DENND4C: variants seen among roughly 807,000 people sequenced by gnomAD.
The protein encoded by DENND4C is DENN domain-containing protein 4C.
In DENND4C, 108 loss-of-function variants were observed where a neutral mutation model predicts 203.0. The ratio of observed to expected loss-of-function variants is 0.53; its 90% confidence interval spans 0.46 to 0.62. The LOEUF is 0.62. Ranked by LOEUF, DENND4C falls within the 20% of genes least tolerant of loss-of-function variation. DENND4C has a pLI of 0.00. For synonymous variants in DENND4C, 871 were observed against 792.4 expected (o/e 1.10, Z -1.67); for missense variants, 2,481 against 2,301.2 (o/e 1.08, Z -1.60).
chr9:19,333,637 A>G (rs562916171), intron 17 of DENND4C, among the ~76,000 whole-genome samples: 13 of 152,334 alleles, frequency 8.5e-5, no homozygotes, highest in African/African-American at 2.6e-4. Flanking sequence ...TAAAGTGCCT[A>G]GTTCATAGTA....
chr9:19,340,009 C>G (rs1278837106), intron 20 of DENND4C, among the ~76,000 whole-genome samples: 1 of 152,176 alleles, frequency 6.6e-6, no homozygotes, highest in African/African-American at 2.4e-5. Context: ...TTTAGATATT[C>G]TCCTATTATG....
At chr9:19,270,852 T>C (rs1054458513) in intron 1 of DENND4C, among the ~76,000 whole-genome samples, 3 of 152,244 alleles carry the variant, frequency 2.0e-5, no homozygotes, top group Non-Finnish European at 4.4e-5. Context: ...TCTACAAAAT[T>C]GCTCTAAACT....
intron 20 of DENND4C, among the ~76,000 whole-genome samples, chr9:19,337,834 G>A (rs1386891915): frequency 6.6e-6 from 1 of 152,026 alleles, no homozygotes; most frequent in Non-Finnish European, 1.5e-5. Flanking sequence ...AAAATATCCA[G>A]CTAACTTTTT....
chr9:19,250,726 A>G (rs558320648), intron 1 of DENND4C, among the ~76,000 whole-genome samples: 101 of 152,360 alleles, frequency 6.6e-4, no homozygotes, highest in African/African-American at 2.1e-3. Context: ...AAGGGGCTAC[A>G]GGCCCCATGC....
intron 30 of DENND4C, among the ~76,000 whole-genome samples, chr9:19,367,494 G>A (rs536327079): frequency 2.4e-4 from 36 of 152,394 alleles, no homozygotes; most frequent in African/African-American, 8.4e-4. Flanking sequence ...CCAGCACTTT[G>A]GGAGGCTGAG....
rs112631399 is a variant in DENND4C at position 19,334,959 on chromosome 9, ATT to A, written c.2461-7_2461-6del. 277 of 1,200,874 alleles carry A rather than the reference ATT, an allele frequency of 2.3e-4. No homozygotes were observed. The highest frequency in any genetic ancestry group is 7.0e-4 in the South Asian group (46 of 65,552). The allele number at this position is 1,200,874 out of a possible 1,614,324, so 74.4% of individuals were successfully genotyped here. ...ATTAGTATACTAATTACTGACACTG[ATT>A]TTTTTTTTTTGTTAGGTGTGCTATC... On this transcript the variant is annotated splice_polypyrimidine_tract_variant and intron_variant, in intron 17 of 32. Coordinates refer to ENST00000434457, the MANE Select transcript of DENND4C (RefSeq NM_001330640.2).
chr9:19,245,796 C>T (rs936208930), intron 1 of DENND4C, among the ~76,000 whole-genome samples: 1 of 150,204 alleles, frequency 6.7e-6, no homozygotes, highest in Non-Finnish European at 1.5e-5. Context: ...GTGGAGGTTG[C>T]GGTGAGCAGA....
chr9:19,277,410 G>A (rs1183424362), intron 2 of DENND4C, among the ~76,000 whole-genome samples: 1 of 151,888 alleles, frequency 6.6e-6, no homozygotes, highest in Admixed American at 6.6e-5. Context: ...TTATTTCTAG[G>A]TATTTTATTC....
chr9:19,334,649 C>T (rs1367726816), intron 17 of DENND4C, among the ~76,000 whole-genome samples: 1 of 151,672 alleles, frequency 6.6e-6, no homozygotes, highest in Non-Finnish European at 1.5e-5. Flanking sequence ...CCTCAGCTTC[C>T]CAAGTAGCTG....
Position 19,276,199 on chromosome 9 carries a change from G to A in DENND4C, c.25G>A (p.Val9Met). 2 of 1,232,116 alleles carry A rather than the reference G, an allele frequency of 1.6e-6. No individual in the cohort carries two copies. Among genetic ancestry groups the A allele is most frequent in the Non-Finnish European group, 2.0e-6 (2 of 987,942 alleles). 76.3% of individuals were successfully genotyped at this position (1,232,116 alleles called of 1,614,324 possible). The stretch of plus-strand genomic sequence containing the variant: ...CATGATAGAAGACAAAGGACCAAGA[G>A]TGACAGACTACTTTGTCGTAGCTGG... Reference protein sequence around the residue: MIEDKGPRVTDYFVVAGLT... With the variant: MIEDKGPRMTDYFVVAGLT... Residue 9 changes from valine to methionine, a missense_variant, in exon 2 of 33, where the codon GTG becomes ATG. Physicochemically the swap from Val to Met is conservative, Grantham distance 21. Around this residue, in one of 3 missense-constraint regions of DENND4C, gnomAD observed 187 missense variants for 167.4 expected, o/e 1.12. Coordinates refer to ENST00000434457, the MANE Select transcript of DENND4C (RefSeq NM_001330640.2).
At chr9:19,300,371 A>G (rs1838309566) in intron 9 of DENND4C, 40 bp downstream of exon 9, 3 of 1,449,616 alleles carry the variant, frequency 2.1e-6, no homozygotes, top group Middle Eastern at 3.7e-4. Context: ...AATTACTGAC[A>G]TAATTTTTAC....
In DENND4C at chr9:19,372,877, A is replaced by T. The variant is rs1563853457; in HGVS notation, c.*704A>T. The T allele has an allele frequency of 6.6e-6, 1 of 152,150 alleles. No homozygotes were observed. The highest frequency in any genetic ancestry group is 1.5e-5 in the Non-Finnish European group (1 of 68,286). 9.4% of individuals were successfully genotyped at this position (152,150 alleles called of 1,614,324 possible). A position where few individuals can be genotyped will look rare whatever the true frequency, so the allele number is the denominator to read the frequency against. ...CCGTCTCAAAAAAAAAAAAAAAAAA[A>T]AAAGAGAGCAACATATTTGTGTAAG... On this transcript the variant is annotated 3_prime_UTR_variant, in exon 33 of 33. Coordinates refer to ENST00000434457, the MANE Select transcript of DENND4C (RefSeq NM_001330640.2).
rs762786358 is a variant in DENND4C at position 19,346,616 on chromosome 9, G to C, written c.3847G>C (p.Asp1283His). 3.7e-5 allele frequency: 60 copies of C among 1,614,050 alleles called. No individual in the cohort carries two copies. Among genetic ancestry groups the C allele is most frequent in the Non-Finnish European group, 5.1e-5 (60 of 1,180,050 alleles). ...TCCAGTTATTGCACGTAATCTGGCT[G>C]ATGAAATAGAAAGCTATATGAACCT... ...FSPVIARNLA[D>H]EIESYMNLKS... The change falls in exon 23 of 33, where the codon GAT becomes CAT. Residue 1283 changes from aspartate (D) to histidine (H), a missense_variant. Asp to His is a moderately conservative substitution (Grantham distance 81, BLOSUM62 -1). Transcript: ENST00000434457.
At chr9:19,280,675 C>T (rs1833867980) in intron 2 of DENND4C, among the ~76,000 whole-genome samples, 3 of 151,270 alleles carry the variant, frequency 2.0e-5, no homozygotes, top group Admixed American at 2.0e-4. Context: ...TTCCAGCATT[C>T]ACTGTTCCCT....
At chr9:19,271,993 C>G (rs1831792304) in intron 1 of DENND4C, among the ~76,000 whole-genome samples, 1 of 151,786 alleles carries the variant, frequency 6.6e-6, no homozygotes, top group African/African-American at 2.4e-5. Context: ...GGCATATAGA[C>G]ACATAGATCA....
intron 1 of DENND4C, among the ~76,000 whole-genome samples, chr9:19,271,869 CAAA>C (rs200794983): frequency 1.1e-4 from 9 of 82,430 alleles, no homozygotes; most frequent in Non-Finnish European, 1.0e-4. Flanking sequence ...AACTCTGTCT[CAAA>C]AAAAAAAAAA....
In DENND4C at chr9:19,287,041, C is replaced by T; in HGVS notation, c.558+20C>T. ...GGAATGGTAAGAATAAAGTTTTCAT[C>T]TTCAAAGTTTCATATGAAACCAAAA... On this transcript the variant is annotated intron_variant, in intron 3 of 32. Coordinates refer to ENST00000434457, the MANE Select transcript of DENND4C (RefSeq NM_001330640.2). The T allele has an allele frequency of 8.1e-7, 1 of 1,231,920 alleles. No homozygotes were observed. Among genetic ancestry groups the T allele is most frequent in the South Asian group, 4.1e-5 (1 of 24,218 alleles). 76.3% of individuals were successfully genotyped at this position (1,231,920 alleles called of 1,614,324 possible).
At chr9:19,264,737 C>G (rs1455698809) in intron 1 of DENND4C, among the ~76,000 whole-genome samples, 1 of 151,974 alleles carries the variant, frequency 6.6e-6, no homozygotes, top group Non-Finnish European at 1.5e-5. Flanking sequence ...TTTATCTTTT[C>G]AAAACACCAA....
intron 21 of DENND4C, among the ~76,000 whole-genome samples, chr9:19,342,134 A>G (rs1311150898): frequency 6.6e-6 from 1 of 151,864 alleles, no homozygotes; most frequent in Non-Finnish European, 1.5e-5. Context: ...CAAAAAAAAA[A>G]AAAAAAAAAA....
Sources: gnomAD v4.1 joint callset for allele counts (sites outside exome capture counted in the v4.1 genomes callset) on GRCh38, gnomAD v4.1.1 for gene constraint, gnomAD v4.1.1 regional missense constraint, MANE v1.5 for transcripts, NCBI Gene and HGNC (gene_info 2026-07-23, HGNC 2026-07-21) for gene names.